The following DIAPH2 variants were observed in gnomAD, a reference collection of about 807,000 sequenced individuals.
The protein encoded by DIAPH2 is protein diaphanous homolog 2.
A neutral mutation model predicts 92.7 loss-of-function variants in DIAPH2; 35 were observed. That is an observed-to-expected ratio of 0.38 (90% CI 0.29 to 0.50). The LOEUF is 0.50. Ranked by LOEUF, DIAPH2 falls within the 20% of genes least tolerant of loss-of-function variation. The pLI, the probability that DIAPH2 is intolerant of heterozygous loss-of-function variation, is 0.94. For missense variants in DIAPH2, 701 were observed against 819.5 expected (o/e 0.86, Z 1.77); for synonymous variants, 301 against 280.4 (o/e 1.07, Z -0.73).
At chrX:96,790,410 T>C (rs761943365) in intron 4 of DIAPH2, among the ~76,000 whole-genome samples, 1 of 111,909 alleles carries the variant, frequency 8.9e-6, no homozygotes, top group African/African-American at 3.2e-5. Context: ...GAATCCCTGA[T>C]AGCATCTCCA....
intron 4 of DIAPH2, among the ~76,000 whole-genome samples, chrX:96,813,130 A>C (rs1184338942): frequency 5.4e-5 from 6 of 110,888 alleles, no homozygotes; most frequent in African/African-American, 2.0e-4. Flanking sequence ...GTGTTAAAAT[A>C]TCCCATTATT....
intron 17 of DIAPH2, among the ~76,000 whole-genome samples, chrX:96,989,652 G>A (rs2066055560): frequency 9.0e-6 from 1 of 111,628 alleles, no homozygotes; most frequent in African/African-American, 3.3e-5. Flanking sequence ...GTGTATTAGT[G>A]CATGTGGAAG....
At chrX:96,835,908 G>A (rs1232115902) in intron 4 of DIAPH2, among the ~76,000 whole-genome samples, 1 of 109,957 alleles carries the variant, frequency 9.1e-6, no homozygotes, top group East Asian at 2.9e-4. Flanking sequence ...CAACTTCCCG[G>A]ACTCAGGTGA....
At chrX:97,068,870 T>C (rs2066650413) in intron 17 of DIAPH2, among the ~76,000 whole-genome samples, 1 of 112,214 alleles carries the variant, frequency 8.9e-6, no homozygotes, top group Non-Finnish European at 1.9e-5. Context: ...TATACAAATA[T>C]GTATGCATGA....
chrX:97,228,685 A>G (rs1378811675), intron 22 of DIAPH2, among the ~76,000 whole-genome samples: 1 of 111,880 alleles, frequency 8.9e-6, no homozygotes, highest in Non-Finnish European at 1.9e-5. Flanking sequence ...TCTCAAATAA[A>G]ATTAGAATCC....
intron 22 of DIAPH2, among the ~76,000 whole-genome samples, chrX:97,187,280 C>CTTTTTTTTTTTTTTTTTT (rs1569323905): frequency 9.8e-5 from 1 of 10,220 alleles, no homozygotes; most frequent in African/African-American, 1.3e-4. Flanking sequence ...AATTAAGTAG[C>CTTTTTTTTTTTTTTTTTT]CTTTTTTTTT....
At chrX:96,726,365 T>C (rs1052862588) in intron 1 of DIAPH2, among the ~76,000 whole-genome samples, 4 of 111,778 alleles carry the variant, frequency 3.6e-5, no homozygotes, top group Admixed American at 2.9e-4. Context: ...CCTTACTACA[T>C]TGAGTTTACA....
intron 17 of DIAPH2, among the ~76,000 whole-genome samples, chrX:97,017,256 T>G (rs1371867549): frequency 2.7e-5 from 3 of 112,412 alleles, no homozygotes; most frequent in Non-Finnish European, 5.6e-5. Context: ...AGTCTTATTT[T>G]TCTCTATGAA....
At chrX:96,773,333 T>TA (rs1338985855) in intron 4 of DIAPH2, among the ~76,000 whole-genome samples, 55 of 93,983 alleles carry the variant, frequency 5.9e-4, no homozygotes, top group South Asian at 1.0e-3. Flanking sequence ...AGTGTTAAGT[T>TA]AAAAAAAAAA....
chrX:97,109,335 C>T (rs193041101), intron 20 of DIAPH2, among the ~76,000 whole-genome samples: 38 of 111,059 alleles, frequency 3.4e-4, no homozygotes, highest in Admixed American at 2.3e-3. Context: ...GTGGGAAGAT[C>T]GCCTGAGCCC....
intron 26 of DIAPH2, among the ~76,000 whole-genome samples, chrX:97,564,131 G>A (rs1355815191): frequency 8.9e-6 from 1 of 112,124 alleles, no homozygotes; most frequent in African/African-American, 3.2e-5. Context: ...TAATAGTTGA[G>A]TGAGAAGCTT....
intron 22 of DIAPH2, among the ~76,000 whole-genome samples, chrX:97,161,013 A>G (rs1157645190): frequency 9.3e-6 from 1 of 107,067 alleles, no homozygotes; most frequent in Non-Finnish European, 1.9e-5. Flanking sequence ...CTTGCAAACC[A>G]CATTTTTCCC....
chrX:96,704,972 T>G (rs1471086719), intron 1 of DIAPH2, among the ~76,000 whole-genome samples: 2 of 67,612 alleles, frequency 3.0e-5, no homozygotes, highest in Non-Finnish European at 5.4e-5. Flanking sequence ...AAACAGAGGG[T>G]TTTTTTTTTT....
At chrX:96,733,230 T>C (rs1470306138) in intron 1 of DIAPH2, among the ~76,000 whole-genome samples, 1 of 112,024 alleles carries the variant, frequency 8.9e-6, no homozygotes, top group African/African-American at 3.2e-5. Flanking sequence ...ATAGACTATG[T>C]TAGAACGTGC....
At chrX:97,336,822 CAA>C (rs1195324097) in intron 23 of DIAPH2, among the ~76,000 whole-genome samples, 3 of 111,714 alleles carry the variant, frequency 2.7e-5, no homozygotes, top group Non-Finnish European at 3.8e-5. Context: ...ACATAAAAGA[CAA>C]GAGAGTGAAT....
chrX:97,373,549 C>T (rs1380239874), intron 24 of DIAPH2, among the ~76,000 whole-genome samples: 1 of 103,010 alleles, frequency 9.7e-6, no homozygotes, highest in Non-Finnish European at 2.0e-5. Flanking sequence ...TTAAGGTGGT[C>T]AGGGAAGGCT....
At chrX:97,290,344 T>C (rs962222091) in intron 23 of DIAPH2, among the ~76,000 whole-genome samples, 2 of 111,253 alleles carry the variant, frequency 1.8e-5, no homozygotes, top group Non-Finnish European at 3.8e-5. Context: ...TTTAGCATAA[T>C]TGAGCCTTAG....
intron 26 of DIAPH2, among the ~76,000 whole-genome samples, chrX:97,535,048 A>C (rs1394445073): frequency 8.9e-6 from 1 of 112,155 alleles, no homozygotes; most frequent in Non-Finnish European, 1.9e-5. Flanking sequence ...AAGTTTAAGA[A>C]GCTGTCACAA....
At position 97,448,603 on chromosome X, in the gene DIAPH2, G is replaced by A. The variant is rs769062791; in HGVS notation, c.3241+18858G>A. 1.6e-4 allele frequency among the ~76,000 whole-genome samples: 18 copies of A among 112,230 alleles called. No individual in the cohort carries two copies. In the South Asian group the frequency reaches 3.7e-3, roughly 23 times the overall value. On this transcript the variant is annotated intron_variant, in intron 26 of 26. Transcript: ENST00000324765. ...CTGTCATGGTAACCTCACCTTTATG[G>A]AAAGAGAAATAAAGTTTTGAAATAA...
Sources: allele counts gnomAD v4.1 joint callset (sites outside exome capture counted in the v4.1 genomes callset), GRCh38; gene constraint gnomAD v4.1.1; transcripts MANE v1.5; gene names NCBI Gene and HGNC (gene_info 2026-07-23, HGNC 2026-07-21).